NELL1: variants seen among roughly 807,000 people sequenced by gnomAD.
The protein encoded by NELL1 is protein kinase C-binding protein NELL1.
In NELL1, 76 loss-of-function variants were observed where a neutral mutation model predicts 107.4. The ratio of observed to expected loss-of-function variants is 0.71; its 90% CI spans 0.59 to 0.86. The LOEUF is 0.86. Among genes scored for constraint, NELL1 ranks in the 40% least tolerant of loss-of-function variants. The pLI is 0.00. For synonymous variants in NELL1, 353 were observed against 341.2 expected, an observed-to-expected ratio of 1.03 and a Z score of -0.38; for missense variants, 1,024 against 1,005.5, an observed-to-expected ratio of 1.02 and a Z score of -0.25.
chr11:20,710,817 G>T (rs142597166), intron 2 of NELL1, among the ~76,000 whole-genome samples: 7 of 151,920 alleles, frequency 4.6e-5, no homozygotes, highest in African/African-American at 1.7e-4. Context: ...GTGAGCAAAG[G>T]TGTTCACAGT....
intron 14 of NELL1, among the ~76,000 whole-genome samples, chr11:21,339,484 T>C (rs989193371): frequency 3.3e-5 from 5 of 152,214 alleles, no homozygotes; most frequent in Non-Finnish European, 5.9e-5. Context: ...TTTCTTATGG[T>C]AGCCCAAGGA....
At chr11:21,361,807 C>G (rs139913627) in intron 14 of NELL1, among the ~76,000 whole-genome samples, 1 of 152,162 alleles carries the variant, frequency 6.6e-6, no homozygotes, top group East Asian at 1.9e-4. Flanking sequence ...TTGTATTTCT[C>G]TAAGTATTCC....
intron 2 of NELL1, among the ~76,000 whole-genome samples, chr11:20,771,554 G>A (rs770009067): frequency 2.0e-5 from 3 of 152,104 alleles, no homozygotes; most frequent in Non-Finnish European, 4.4e-5. Context: ...GTCTGATGAC[G>A]GGGAAGCCTA....
intron 15 of NELL1, among the ~76,000 whole-genome samples, chr11:21,488,299 A>G (rs1854696875): frequency 6.7e-6 from 1 of 149,186 alleles, no homozygotes; most frequent in Non-Finnish European, 1.5e-5. Flanking sequence ...CAACCAATTA[A>G]AAAAAAAAAG....
intron 14 of NELL1, among the ~76,000 whole-genome samples, chr11:21,249,523 A>G (rs2133908435): frequency 1.3e-5 from 2 of 152,270 alleles, no homozygotes; most frequent in South Asian, 4.1e-4. Flanking sequence ...CTCTTTTGAA[A>G]GAACATTTTG....
chr11:20,744,312 C>G (rs569882388), intron 2 of NELL1, among the ~76,000 whole-genome samples: 59 of 152,332 alleles, frequency 3.9e-4, no homozygotes, highest in African/African-American at 1.3e-3. Context: ...TATCTGACTC[C>G]TTTCTATCTC....
intron 16 of NELL1, among the ~76,000 whole-genome samples, chr11:21,553,711 C>T (rs1202043903): frequency 6.6e-6 from 1 of 151,810 alleles, no homozygotes; most frequent in Non-Finnish European, 1.5e-5. Context: ...GTGAAAGACA[C>T]TGTAAAAGCT....
At chr11:20,766,452 T>C (rs745817671) in intron 2 of NELL1, among the ~76,000 whole-genome samples, 22 of 152,322 alleles carry the variant, frequency 1.4e-4, no homozygotes, top group Non-Finnish European at 2.2e-4. Flanking sequence ...CAACTGGCTT[T>C]TAGCCACATA....
chr11:20,911,460 G>T (rs755295598), intron 5 of NELL1, among the ~76,000 whole-genome samples: 15 of 152,134 alleles, frequency 9.9e-5, no homozygotes, highest in Non-Finnish European at 2.2e-4. Context: ...TTTAGACCCA[G>T]GTCTTTATGA....
chr11:21,179,534 A>G lies in NELL1; in HGVS notation c.1427-49798A>G, dbSNP rs559982194. 9.9e-5 allele frequency among the ~76,000 whole-genome samples: 15 copies of G among 152,008 alleles called. No individual in the cohort carries two copies. In the South Asian group the frequency reaches 2.9e-3, roughly 29 times the overall value. The stretch of plus-strand genomic sequence containing the variant: ...AGGCATGTTTTTAGTATGGCAAAGG[A>G]AAGTGCAAGACAAGCGCCAAAATAT... On this transcript the variant is annotated intron_variant, in intron 13 of 19. Coordinates refer to ENST00000357134, the MANE Select transcript of NELL1 (RefSeq NM_006157.5).
chr11:20,705,776 G>T (rs184225304), intron 2 of NELL1, among the ~76,000 whole-genome samples: 120 of 150,766 alleles, frequency 8.0e-4, no homozygotes, highest in East Asian at 3.9e-4. Flanking sequence ...TCTGACAAAG[G>T]GCTAATATCC....
At chr11:20,780,184 A>G (rs1856826069) in intron 2 of NELL1, among the ~76,000 whole-genome samples, 1 of 152,194 alleles carries the variant, frequency 6.6e-6, no homozygotes, top group African/African-American at 2.4e-5. Flanking sequence ...AGTCAACATA[A>G]GAAATGTTTC....
chr11:21,449,416 TTC>T (rs1853523241), intron 15 of NELL1, among the ~76,000 whole-genome samples: 1 of 152,330 alleles, frequency 6.6e-6, no homozygotes, highest in African/African-American at 2.4e-5. Flanking sequence ...TGGAGTTGTT[TTC>T]TTTTTATTGA....
Position 21,336,305 on chromosome 11 carries a change from T to C in NELL1, c.1550-34548T>C, listed in dbSNP as rs376032091. ...GTGCTAAGCCTTTTTATATACAGTA[T>C]CTTATTGAAGCTCACAACTCTCCAT... is the stretch of plus-strand genomic sequence containing the variant. On this transcript the variant is annotated intron_variant, in intron 14 of 19. Transcript: ENST00000357134. Among the ~76,000 whole-genome samples, 278 of 152,136 alleles carry C rather than the reference T, an allele frequency of 1.8e-3. 9 individuals carry two copies. The South Asian group carries it at 0.054, about 29-fold the overall frequency.
intron 14 of NELL1, among the ~76,000 whole-genome samples, chr11:21,336,003 G>C (rs1305407518): frequency 6.6e-6 from 1 of 151,904 alleles, no homozygotes; most frequent in Non-Finnish European, 1.5e-5. Flanking sequence ...ATCAACAATG[G>C]ACATTTATAT....
At chr11:21,537,982 A>G (rs1357832078) in intron 16 of NELL1, among the ~76,000 whole-genome samples, 1 of 152,168 alleles carries the variant, frequency 6.6e-6, no homozygotes, top group Non-Finnish European at 1.5e-5. Flanking sequence ...TGAAGGATTA[A>G]TGACCTGACG....
intron 12 of NELL1, among the ~76,000 whole-genome samples, chr11:21,030,304 A>G (rs1464849829): frequency 1.3e-5 from 2 of 152,136 alleles, no homozygotes; most frequent in Non-Finnish European, 2.9e-5. Context: ...AAGATATGAT[A>G]TATCTCTGTA....
chr11:20,765,562 G>A (rs1856512053), intron 2 of NELL1, among the ~76,000 whole-genome samples: 1 of 152,176 alleles, frequency 6.6e-6, no homozygotes, highest in Admixed American at 6.5e-5. Context: ...CCTGAGTGAT[G>A]AATGGCAGGT....
intron 15 of NELL1, among the ~76,000 whole-genome samples, chr11:21,502,913 GT>G (rs1400215610): frequency 2.0e-5 from 3 of 151,906 alleles, no homozygotes; most frequent in Non-Finnish European, 4.4e-5. Context: ...ATGGAATTTT[GT>G]TCTTGTTGCC....
Sources: allele counts gnomAD v4.1 joint callset (sites outside exome capture counted in the v4.1 genomes callset), GRCh38; gene constraint gnomAD v4.1.1; transcripts MANE v1.5; gene names NCBI Gene and HGNC (gene_info 2026-07-23, HGNC 2026-07-21).